Variants in TCF20 observed in about 807,000 individuals in gnomAD.
The protein encoded by TCF20 is SPRE-binding protein.
Under a neutral mutation model 148.6 loss-of-function variants are expected in TCF20, and 3 were observed. The observed-to-expected ratio is 0.02, with a 90% CI of 0.01 to 0.05. TCF20 has a LOEUF of 0.05. Among genes scored for constraint, TCF20 ranks in the 10% least tolerant of loss-of-function variants. The probability of loss-of-function intolerance (pLI) is 1.00; values close to 1 mark genes in which losing one functional copy is unlikely to be tolerated. For missense variants in TCF20, 2,350 were observed against 2,429.3 expected, an observed-to-expected ratio of 0.97 and a Z score of 0.69; for synonymous variants, 1,049 against 909.5, an observed-to-expected ratio of 1.15 and a Z score of -2.76.
intron 2 of TCF20, among the ~76,000 whole-genome samples, chr22:42,190,896 C>T (rs1937299060): frequency 6.6e-6 from 1 of 152,202 alleles, no homozygotes; most frequent in Admixed American, 6.5e-5. Flanking sequence ...GTATGAACTT[C>T]AACTGCAGAT....
chr22:42,253,322 GAA>G (rs913288781), intron 1 of TCF20, among the ~76,000 whole-genome samples: 2 of 152,028 alleles, frequency 1.3e-5, no homozygotes, highest in African/African-American at 4.8e-5. Flanking sequence ...CTGGGTTCCA[GAA>G]AGAGAATTTC....
At chr22:42,187,375 T>TC (rs1416090023) in intron 2 of TCF20, among the ~76,000 whole-genome samples, 1 of 152,176 alleles carries the variant, frequency 6.6e-6, no homozygotes, top group African/African-American at 2.4e-5. Context: ...AAAGCCCCAA[T>TC]CAAAACATGG....
intron 1 of TCF20, among the ~76,000 whole-genome samples, chr22:42,327,433 C>G (rs538074723): frequency 6.6e-6 from 1 of 152,164 alleles, no homozygotes; most frequent in African/African-American, 2.4e-5. Context: ...AGGTGCAGGG[C>G]ACAGGCCTCT....
At chr22:42,245,361 T>C (rs1041626829) in intron 1 of TCF20, among the ~76,000 whole-genome samples, 12 of 152,112 alleles carry the variant, frequency 7.9e-5, no homozygotes, top group Non-Finnish European at 1.8e-4. Context: ...CGTCAACTAC[T>C]GTGTCCAGCC....
At chr22:42,164,660 G>C (rs1164333115) in intron 5 of TCF20, among the ~76,000 whole-genome samples, 1 of 152,214 alleles carries the variant, frequency 6.6e-6, no homozygotes, top group Non-Finnish European at 1.5e-5. Flanking sequence ...TGGAGAGACA[G>C]GTAGTAAACA....
chr22:42,268,526 G>A (rs964577445), intron 1 of TCF20, among the ~76,000 whole-genome samples: 5 of 152,204 alleles, frequency 3.3e-5, no homozygotes, highest in Non-Finnish European at 5.9e-5. Flanking sequence ...TGAGAATGCT[G>A]AAACTGGCTG....
At chr22:42,171,138 G>T (rs550399495) in intron 3 of TCF20, among the ~76,000 whole-genome samples, 14 of 152,212 alleles carry the variant, frequency 9.2e-5, no homozygotes, top group Admixed American at 4.6e-4. Context: ...TCACACAAGG[G>T]TAGTGCATGG....
chr22:42,249,713 G>C (rs1363118260), intron 1 of TCF20, among the ~76,000 whole-genome samples: 2 of 152,126 alleles, frequency 1.3e-5, no homozygotes, highest in African/African-American at 4.8e-5. Context: ...TGAAAATACA[G>C]GCAAAAAATA....
Position 42,322,027 on chromosome 22 carries a change from C to G in TCF20, c.-37+21452G>C, listed in dbSNP as rs187554278. Among the ~76,000 whole-genome samples, 492 of 151,582 alleles carry G rather than the reference C, an allele frequency of 3.2e-3. 12 individuals are homozygous for G. The highest frequency in any genetic ancestry group is 5.5e-3 in the Non-Finnish European group (375 of 67,770). The stretch of plus-strand genomic sequence containing the variant: ...CAGGCCTGGGACAATGAGATGAATT[C>G]ACACATGTAAAATATTTGGAACAAG... On this transcript the variant is annotated intron_variant, in intron 1 of 1. Transcript: ENST00000515426.
rs143018361 is a variant in TCF20 at position 42,252,829 on chromosome 22, A to C, written c.-37+17510T>G. On this transcript the variant is annotated intron_variant, in intron 1 of 5. Transcript: ENST00000677622. The stretch of plus-strand genomic sequence containing the variant: ...ACGTATATAATTATCCCTATATATA[A>C]AACTATTTTAACAAAAATAACTATT... Among the ~76,000 whole-genome samples, 405 of 152,322 alleles carry C rather than the reference A, an allele frequency of 2.7e-3. 2 individuals carry two copies. Among genetic ancestry groups the C allele is most frequent in the African/African-American group, 9.1e-3 (380 of 41,570 alleles).
chr22:42,241,240 T>C (rs1306963627), intron 1 of TCF20, among the ~76,000 whole-genome samples: 1 of 152,134 alleles, frequency 6.6e-6, no homozygotes, highest in African/African-American at 2.4e-5. Context: ...CCTCTAATTA[T>C]TTCTATAAAC....
upstream of TCF20, among the ~76,000 whole-genome samples, chr22:42,287,230 A>G (rs1266030158): frequency 1.3e-5 from 2 of 152,192 alleles, no homozygotes; most frequent in African/African-American, 4.8e-5. Context: ...GCTGAGCTAG[A>G]GGGCTCAGGG....
chr22:42,281,950 G>C (rs940547125), intron 1 of TCF20, among the ~76,000 whole-genome samples: 6 of 152,232 alleles, frequency 3.9e-5, no homozygotes, highest in African/African-American at 1.4e-4. Context: ...GGCCTAACAG[G>C]GAGACAGACC....
chr22:42,213,819 T>C lies in TCF20; in HGVS notation c.1487A>G (p.Asp496Gly). ...SKRPSSSKKA[D>G]SCTNSEGSSQ... Reference sequence around the variant, plus strand: ...GGAGCCTTCAGAATTTGTGCAGCTATCTGCTTTCTTGGAAGATGAGGGCCT... The same window carrying C: ...GGAGCCTTCAGAATTTGTGCAGCTACCTGCTTTCTTGGAAGATGAGGGCCT... Residue 496 changes from aspartate (D) to glycine (G), a missense_variant, in exon 2 of 6, where the codon GAT becomes GGT. Physicochemically the swap from Asp to Gly is moderately conservative, Grantham distance 94. Coordinates refer to ENST00000677622, the MANE Select transcript of TCF20 (RefSeq NM_001378418.1). 1 of 1,614,206 alleles carries C rather than the reference T, an allele frequency of 6.2e-7. No homozygotes were observed. Among genetic ancestry groups the C allele is most frequent in the East Asian group, 2.2e-5 (1 of 44,880 alleles).
intron 1 of TCF20, among the ~76,000 whole-genome samples, chr22:42,301,576 G>C (rs980524905): frequency 6.6e-6 from 1 of 152,234 alleles, no homozygotes; most frequent in African/African-American, 2.4e-5. Flanking sequence ...AAAGTGATTC[G>C]ACAGGCGGAG....
At chr22:42,300,126 T>G (rs1228496799) in intron 1 of TCF20, among the ~76,000 whole-genome samples, 2 of 152,024 alleles carry the variant, frequency 1.3e-5, no homozygotes, top group African/African-American at 2.4e-5. Context: ...ACGAGGCAGA[T>G]TGTCTGGAAT....
At chr22:42,169,780 C>T in intron 4 of TCF20, 67 bp downstream of exon 4, 1 of 1,562,012 alleles carries the variant, frequency 6.4e-7, no homozygotes, top group South Asian at 1.1e-5. Context: ...ACCTGGTCTT[C>T]AGGTCTTTCA....
intron 1 of TCF20, among the ~76,000 whole-genome samples, chr22:42,314,215 T>C (rs1298728318): frequency 6.6e-6 from 1 of 152,204 alleles, no homozygotes; most frequent in African/African-American, 2.4e-5. Flanking sequence ...TTGGAGGTGA[T>C]GTGGTGCATG....
chr22:42,163,619 C>T (rs376172952), intron 5 of TCF20, among the ~76,000 whole-genome samples: 17 of 152,196 alleles, frequency 1.1e-4, no homozygotes, highest in South Asian at 4.1e-4. Flanking sequence ...CCCAAAGCGA[C>T]GTGGCCAGAG....
Sources: gnomAD v4.1 joint callset for allele counts (sites outside exome capture counted in the v4.1 genomes callset) on GRCh38, gnomAD v4.1.1 for gene constraint, MANE v1.5 for transcripts, NCBI Gene and HGNC (gene_info 2026-07-23, HGNC 2026-07-21) for gene names.